CDH17: variants seen among roughly 807,000 people sequenced by gnomAD.
CDH17 encodes the protein cadherin-17.
CDH17 carries 67 observed loss-of-function variants against 86.3 expected under a neutral mutation model. The observed-to-expected ratio is 0.78, with a 90% CI of 0.64 to 0.95. CDH17 has a LOEUF of 0.95. Among genes scored for constraint, CDH17 ranks in the 40% least tolerant of loss-of-function variants. CDH17 has a pLI of 0.00. For synonymous variants in CDH17, 367 were observed against 366.4 expected, an observed-to-expected ratio of 1.00 and a Z score of -0.02; for missense variants, 993 against 1,017.6, an observed-to-expected ratio of 0.98 and a Z score of 0.33.
intron 4 of CDH17, 62 bp from the exon 5 acceptor site, chr8:94,176,741 A>G: frequency 1.3e-6 from 2 of 1,523,944 alleles, no homozygotes; most frequent in South Asian, 1.2e-5. Flanking sequence ...ATGCCCAAAA[A>G]TCACTTGAAG....
rs933280776 is a variant in CDH17, at chr8:94,185,578, T to C, written c.150+3609A>G. Among the ~76,000 whole-genome samples the C allele has an allele frequency of 7.2e-5, 11 of 152,324 alleles. No individual in the cohort carries two copies. The East Asian group carries it at 2.1e-3, about 29-fold the overall frequency. On this transcript the variant is annotated intron_variant, in intron 3 of 17. Transcript: ENST00000027335. ...TATGTACAATCCTGATTGTCTTCAATGGAGTGTGGACCTGTACTCACAGAA... is the reference window on the plus strand; with the variant it reads ...TATGTACAATCCTGATTGTCTTCAACGGAGTGTGGACCTGTACTCACAGAA...
intron 13 of CDH17, among the ~76,000 whole-genome samples, chr8:94,150,019 T>C (rs926211457): frequency 6.6e-6 from 1 of 152,180 alleles, no homozygotes; most frequent in African/African-American, 2.4e-5. Flanking sequence ...TTTTCTATAA[T>C]AAAAAATACT....
rs757935056 is a variant in CDH17, at chr8:94,148,859, T to TC, written c.1811dup (p.Asp605ArgfsTer7). The TC allele has an allele frequency of 6.2e-7, 1 of 1,608,984 alleles. No homozygotes were observed. Among genetic ancestry groups the TC allele is most frequent in the East Asian group, 2.2e-5 (1 of 44,614 alleles). On this transcript the variant is annotated frameshift_variant, in exon 14 of 18. Coordinates refer to ENST00000027335, the MANE Select transcript of CDH17 (RefSeq NM_004063.4). LOFTEE classifies it high-confidence loss of function. Reference sequence around the variant, plus strand: ...CAATTTTAAGCCAACCTCTTGTGTCTCCCCTCAGTGAATAGCTTCATCAAA... The same window carrying TC: ...CAATTTTAAGCCAACCTCTTGTGTCTCCCCCTCAGTGAATAGCTTCATCAAA...
intron 10 of CDH17, among the ~76,000 whole-genome samples, chr8:94,163,069 C>T (rs1283695444): frequency 6.6e-6 from 1 of 152,210 alleles, no homozygotes; most frequent in Non-Finnish European, 1.5e-5. Flanking sequence ...CAGATGTTTT[C>T]ATCATAATAC....
intron 3 of CDH17, among the ~76,000 whole-genome samples, chr8:94,184,898 A>G (rs62526263): frequency 9.2e-5 from 14 of 152,070 alleles, no homozygotes; most frequent in Non-Finnish European, 1.8e-4. Flanking sequence ...CCAAGAACCA[A>G]CCTCATGGGG....
chr8:94,171,752 G>T (rs1813273325), intron 7 of CDH17, among the ~76,000 whole-genome samples: 1 of 152,082 alleles, frequency 6.6e-6, no homozygotes, highest in African/African-American at 2.4e-5. Flanking sequence ...AGAAACTAGG[G>T]CACAAAAAAT....
At chr8:94,182,956 C>T (rs1813510580) in intron 3 of CDH17, among the ~76,000 whole-genome samples, 1 of 151,972 alleles carries the variant, frequency 6.6e-6, no homozygotes, top group Admixed American at 6.6e-5. Context: ...ATCTTTCTAA[C>T]CATTAGCAAA....
intron 1 of CDH17, among the ~76,000 whole-genome samples, chr8:94,207,326 C>T (rs1814048629): frequency 6.6e-6 from 1 of 152,212 alleles, no homozygotes. Flanking sequence ...CTAACATTCA[C>T]TGGATGTGTA....
At chr8:94,173,635 A>G (rs536933315) in intron 7 of CDH17, among the ~76,000 whole-genome samples, 162 bp downstream of exon 7, 1 of 152,316 alleles carries the variant, frequency 6.6e-6, no homozygotes, top group Non-Finnish European at 1.5e-5. Flanking sequence ...ATGCATGGTC[A>G]AGTCCAGTGA....
intron 3 of CDH17, among the ~76,000 whole-genome samples, chr8:94,181,994 T>C (rs1474397938): frequency 6.6e-6 from 1 of 152,074 alleles, no homozygotes; most frequent in Admixed American, 6.5e-5. Flanking sequence ...AAAGAGAATA[T>C]TGTGAACAAT....
At chr8:94,133,790 G>A (rs1356911355) in intron 15 of CDH17, among the ~76,000 whole-genome samples, 1 of 152,094 alleles carries the variant, frequency 6.6e-6, no homozygotes. Flanking sequence ...TATTGGCTGT[G>A]GGTTTATCAT....
chr8:94,136,398 A>G (rs902812100), intron 15 of CDH17, among the ~76,000 whole-genome samples: 1 of 152,072 alleles, frequency 6.6e-6, no homozygotes, highest in Non-Finnish European at 1.5e-5. Context: ...TTGATCTTCA[A>G]TCACTGATAC....
At position 94,128,015 on chromosome 8, in the gene CDH17, C is replaced by A; in HGVS notation, c.*225G>T. The A allele has an allele frequency of 2.5e-6, 1 of 400,246 alleles. No homozygotes were observed. The allele number at this position is 400,246 out of a possible 1,614,324, so 24.8% of individuals were successfully genotyped here. On this transcript the variant is annotated 3_prime_UTR_variant, in exon 18 of 18. Coordinates refer to ENST00000027335, the MANE Select transcript of CDH17 (RefSeq NM_004063.4). ...AGCTGAGGCAGGAGAATCATGTGAA[C>A]CCAGGAGGCGGAGGTTGCAGTGAGC...
intron 11 of CDH17, among the ~76,000 whole-genome samples, chr8:94,160,608 C>T (rs1195632401): frequency 6.6e-6 from 1 of 152,160 alleles, no homozygotes; most frequent in Non-Finnish European, 1.5e-5. Context: ...GAATTGTAGG[C>T]TTGCTTCTTA....
intron 15 of CDH17, among the ~76,000 whole-genome samples, chr8:94,137,549 G>A (rs570479196): frequency 6.6e-6 from 1 of 152,228 alleles, no homozygotes. Context: ...GTCTGTCATG[G>A]CTTCCCTTGA....
At chr8:94,166,101 T>C in intron 9 of CDH17, 125 bp from the exon 10 acceptor site, 1 of 646,626 alleles carries the variant, frequency 1.5e-6, no homozygotes. Flanking sequence ...AGACAAATGC[T>C]CTTAGAGTTA....
chr8:94,144,305 T>A (rs1305693684), intron 15 of CDH17, among the ~76,000 whole-genome samples: 1 of 152,222 alleles, frequency 6.6e-6, no homozygotes, highest in Non-Finnish European at 1.5e-5. Flanking sequence ...CCAAAATAAT[T>A]ATAATAATAA....
At chr8:94,196,095 G>T (rs3886489) in intron 1 of CDH17, among the ~76,000 whole-genome samples, 83,959 of 152,028 alleles carry the variant, frequency 0.55, 24,263 homozygotes, top group African/African-American at 0.72. Context: ...TTTATTTCAC[G>T]AAAATTCCAA....
chr8:94,149,471 G>A (rs1812817061), intron 13 of CDH17, among the ~76,000 whole-genome samples: 1 of 152,140 alleles, frequency 6.6e-6, no homozygotes, highest in Admixed American at 6.6e-5. Flanking sequence ...CCAATAAAAT[G>A]TGGTAAACAC....
Sources: allele counts gnomAD v4.1 joint callset (sites outside exome capture counted in the v4.1 genomes callset), GRCh38; gene constraint gnomAD v4.1.1; transcripts MANE v1.5; gene names NCBI Gene and HGNC (gene_info 2026-07-23, HGNC 2026-07-21).